KIF1B: variants seen among roughly 807,000 people sequenced by gnomAD.
KIF1B encodes the protein kinesin-like protein KIF1B.
In KIF1B, 76 loss-of-function variants were observed where a neutral mutation model predicts 241.9. The ratio of observed to expected loss-of-function variants is 0.31; its 90% CI spans 0.26 to 0.38. KIF1B has a LOEUF of 0.38. KIF1B is among the 10% of genes least tolerant of loss of function. The pLI is 1.00. For missense variants in KIF1B, 1,622 were observed against 2,271.4 expected, an observed-to-expected ratio of 0.71 and a Z score of 5.81; for synonymous variants, 750 against 796.7, an observed-to-expected ratio of 0.94 and a Z score of 0.99.
intron 14 of KIF1B, among the ~76,000 whole-genome samples, chr1:10,280,061 A>AT (rs961383567): frequency 6.6e-6 from 1 of 152,050 alleles, no homozygotes; most frequent in African/African-American, 2.4e-5. Flanking sequence ...TGACTCAAAC[A>AT]TTTTTAAAGA....
At chr1:10,300,236 CAAA>C (rs1557698454) in intron 22 of KIF1B, among the ~76,000 whole-genome samples, 2 of 91,274 alleles carry the variant, frequency 2.2e-5, no homozygotes, top group African/African-American at 7.3e-5. Context: ...GACTCAGTGT[CAAA>C]TAATAATAAT....
chr1:10,266,925 G>A (rs1648494461), intron 5 of KIF1B, among the ~76,000 whole-genome samples: 1 of 152,058 alleles, frequency 6.6e-6, no homozygotes, highest in South Asian at 2.1e-4. Flanking sequence ...CTTTGTAAAG[G>A]TTGCTGATCT....
intron 10 of KIF1B, among the ~76,000 whole-genome samples, chr1:10,273,937 T>C (rs1003831462): frequency 3.0e-5 from 4 of 135,018 alleles, no homozygotes; most frequent in East Asian, 4.0e-4. Context: ...GTAGCTTCTT[T>C]TTTTTTTTTT....
intron 12 of KIF1B, among the ~76,000 whole-genome samples, chr1:10,277,528 G>T (rs1055990869): frequency 2.0e-5 from 3 of 152,032 alleles, no homozygotes; most frequent in Admixed American, 2.0e-4. Flanking sequence ...GTAGAGATGG[G>T]GGGTCTTGTT....
chr1:10,367,565 T>A (rs891933495), intron 43 of KIF1B, among the ~76,000 whole-genome samples: 2 of 151,004 alleles, frequency 1.3e-5, no homozygotes, highest in African/African-American at 2.4e-5. Flanking sequence ...GATGGAGTCT[T>A]GCTCTGTGGC....
Position 10,303,430 on chromosome 1 carries a change from C to G in KIF1B, c.2115+6184C>G, listed in dbSNP as rs747811628. 7 of 1,614,188 alleles carry G rather than the reference C, an allele frequency of 4.3e-6. No individual in the cohort carries two copies. In the South Asian group the frequency reaches 7.7e-5, roughly 18 times the overall value. ...CAAAGAGATTTGCTATGAGGTTGCTCTCAATGACTTCAGGCACAGTCGGCA... is the reference window on the plus strand; with the variant it reads ...CAAAGAGATTTGCTATGAGGTTGCTGTCAATGACTTCAGGCACAGTCGGCA... On this transcript the variant is annotated intron_variant, in intron 22 of 48. Transcript: ENST00000676179. The surrounding 1 kb of genome is among the most constrained non-coding windows in gnomAD (Gnocchi z 5.2).
chr1:10,266,528 A>G (rs781213091), intron 5 of KIF1B, among the ~76,000 whole-genome samples: 2 of 152,190 alleles, frequency 1.3e-5, no homozygotes, highest in East Asian at 1.9e-4. Flanking sequence ...ATGCTGGTCA[A>G]CCCTCATCCC....
At chr1:10,254,443 A>G (rs895575319) in intron 2 of KIF1B, among the ~76,000 whole-genome samples, 1 of 152,172 alleles carries the variant, frequency 6.6e-6, no homozygotes, top group African/African-American at 2.4e-5. Context: ...CTGTGATTCC[A>G]CTATATACTA....
At chr1:10,234,750 C>G (rs1006766273) in intron 2 of KIF1B, among the ~76,000 whole-genome samples, 2 of 151,780 alleles carry the variant, frequency 1.3e-5, no homozygotes, top group Non-Finnish European at 2.9e-5. Flanking sequence ...TCTTGTATTC[C>G]TGGGCTCGAG....
chr1:10,275,593 A>G, intron 11 of KIF1B, 90 bp downstream of exon 11: 1 of 822,184 alleles, frequency 1.2e-6, no homozygotes, highest in Non-Finnish European at 2.1e-6. Context: ...GGAGACAAAT[A>G]ATCTCTAGAT....
At chr1:10,366,568 G>C (rs1018767131) in intron 43 of KIF1B, among the ~76,000 whole-genome samples, 4 of 152,360 alleles carry the variant, frequency 2.6e-5, no homozygotes, top group Middle Eastern at 3.4e-3. Context: ...GGGAATTCAC[G>C]TGGGACTGGA....
At chr1:10,313,740 C>G (rs541650453) in intron 22 of KIF1B, among the ~76,000 whole-genome samples, 4 of 150,674 alleles carry the variant, frequency 2.7e-5, no homozygotes, top group African/African-American at 9.9e-5. Context: ...TTAGTAGAGA[C>G]GGGGTTTCAC....
At chr1:10,347,044 CGAT>C (rs1194205663) in intron 35 of KIF1B, among the ~76,000 whole-genome samples, 1 of 152,176 alleles carries the variant, frequency 6.6e-6, no homozygotes, top group Non-Finnish European at 1.5e-5. Flanking sequence ...TACTCTGTCT[CGAT>C]GAGCTGAGTT....
At chr1:10,264,995 G>A (rs1648370654) in intron 5 of KIF1B, among the ~76,000 whole-genome samples, 1 of 151,560 alleles carries the variant, frequency 6.6e-6, no homozygotes, top group African/African-American at 2.4e-5. Flanking sequence ...TTAAGACAAG[G>A]TCTTGCTCTG....
intron 1 of KIF1B, among the ~76,000 whole-genome samples, chr1:10,213,004 G>T (rs1418181408): frequency 6.8e-5 from 10 of 146,758 alleles, no homozygotes; most frequent in Non-Finnish European, 1.3e-4. Flanking sequence ...TGTTATTTTT[G>T]TCATCAAGCT....
At chr1:10,343,391 A>G (rs1446202879) in intron 34 of KIF1B, 104 bp downstream of exon 34, 4 of 1,022,584 alleles carry the variant, frequency 3.9e-6, no homozygotes, top group African/African-American at 1.6e-5. Flanking sequence ...CTATTCTTCT[A>G]TATATCCACA....
chr1:10,262,885 A>G (rs1436863796), intron 5 of KIF1B, among the ~76,000 whole-genome samples: 2 of 152,174 alleles, frequency 1.3e-5, no homozygotes, highest in South Asian at 2.1e-4. Flanking sequence ...AATTGCTTAT[A>G]AAAACTTGGA....
At chr1:10,314,708 C>G (rs903413116) in intron 22 of KIF1B, among the ~76,000 whole-genome samples, 2 of 151,634 alleles carry the variant, frequency 1.3e-5, no homozygotes, top group African/African-American at 2.4e-5. Flanking sequence ...GCATGTGCCA[C>G]CACACCTGGC....
Position 10,261,949 on chromosome 1 carries a change from A to G in KIF1B, c.408A>G (p.Glu136=). Residue 136 remains glutamate (E), a synonymous_variant, in exon 5 of 49, where the codon GAA becomes GAG. Transcript: ENST00000676179. ...LFEKINDNCN[E]EMSYSVEVSY... is the part of the protein sequence containing the mutation. The stretch of plus-strand genomic sequence containing the variant: ...AGAAAATCAATGACAACTGTAATGA[A>G]GAAATGTCTTACTCTGTAGAGGTGA... 2 of 1,611,766 alleles carry G rather than the reference A, an allele frequency of 1.2e-6. No individual in the cohort carries two copies. Among genetic ancestry groups the G allele is most frequent in the Non-Finnish European group, 1.7e-6 (2 of 1,177,840 alleles).
Sources: gnomAD v4.1 joint callset for allele counts (sites outside exome capture counted in the v4.1 genomes callset) on GRCh38, gnomAD v4.1.1 for gene constraint, Gnocchi (gnomAD v3.1) non-coding constraint, MANE v1.5 for transcripts, NCBI Gene and HGNC (gene_info 2026-07-23, HGNC 2026-07-21) for gene names.